The following DMXL2 variants were observed in gnomAD, a reference collection of about 807,000 sequenced individuals.
DMXL2 encodes the protein Dmx like 2.
In DMXL2, 103 loss-of-function variants were observed where a neutral mutation model predicts 331.1. The ratio of observed to expected loss-of-function variants is 0.31; its 90% CI spans 0.27 to 0.37. DMXL2 has a LOEUF of 0.37. Among genes scored for constraint, DMXL2 ranks in the 10% least tolerant of loss-of-function variants. The pLI, the probability that DMXL2 is intolerant of heterozygous loss-of-function variation, is 1.00. For missense variants in DMXL2, 3,171 were observed against 3,642.9 expected (o/e 0.87, Z 3.33); for synonymous variants, 1,281 against 1,252.1 (o/e 1.02, Z -0.49).
intron 1 of DMXL2, among the ~76,000 whole-genome samples, chr15:51,609,194 T>A (rs915797246): frequency 4.6e-5 from 7 of 151,786 alleles, no homozygotes; most frequent in African/African-American, 1.7e-4. Flanking sequence ...AATGAAAAAA[T>A]TCATTTCAAA....
intron 20 of DMXL2, among the ~76,000 whole-genome samples, chr15:51,489,100 C>T (rs2042608119): frequency 6.6e-6 from 1 of 152,134 alleles, no homozygotes; most frequent in Non-Finnish European, 1.5e-5. Context: ...GCAGAATATT[C>T]AATAGATGTG....
At chr15:51,595,366 G>A (rs571734279) in intron 1 of DMXL2, among the ~76,000 whole-genome samples, 2 of 152,252 alleles carry the variant, frequency 1.3e-5, no homozygotes, top group African/African-American at 4.8e-5. Flanking sequence ...TCTTACAAAG[G>A]ACATGAAGGA....
intron 2 of DMXL2, among the ~76,000 whole-genome samples, chr15:51,569,518 C>G (rs937519130): frequency 1.3e-5 from 2 of 152,180 alleles, no homozygotes; most frequent in Non-Finnish European, 2.9e-5. Flanking sequence ...CCTGACCCCC[C>G]CGTGTACCCA....
At position 51,588,384 on chromosome 15, in the gene DMXL2, C is replaced by T. The variant is rs185219301; in HGVS notation, c.88-12203G>A. ...ATGTTGTCCAGGCTAGTCTCGAACTCCTGGGCTCAAGTGATCTGGCCAGGA... is the reference window on the plus strand; with the variant it reads ...ATGTTGTCCAGGCTAGTCTCGAACTTCTGGGCTCAAGTGATCTGGCCAGGA... On this transcript the variant is annotated intron_variant, in intron 1 of 43. Coordinates refer to ENST00000560891, the MANE Select transcript of DMXL2 (RefSeq NM_001378457.1). Among the ~76,000 whole-genome samples the T allele has an allele frequency of 7.2e-5, 11 of 152,226 alleles. No individual in the cohort carries two copies. The East Asian group carries it at 1.4e-3, about 19-fold the overall frequency.
At position 51,499,416 on chromosome 15, in the gene DMXL2, C is replaced by T; in HGVS notation, c.3808G>A (p.Val1270Ile). The part of the protein sequence containing the change: ...LVVGMDCEMH[V>I]YAQWKHAVKF... ...ACAGCATGCTTCCACTGTGCATATA[C>T]ATGCATTTCACAATCCATTCCTACC... The change falls in exon 18 of 44, where the codon GTA (valine) becomes ATA (isoleucine). Residue 1270 changes from valine to isoleucine, a missense_variant. Transcript: ENST00000560891. The T allele has an allele frequency of 6.2e-7, 1 of 1,613,960 alleles. No individual in the cohort carries two copies. The highest frequency in any genetic ancestry group is 8.5e-7 in the Non-Finnish European group (1 of 1,180,014).
intron 15 of DMXL2, among the ~76,000 whole-genome samples, chr15:51,511,219 T>C (rs1044868196): frequency 6.6e-6 from 1 of 152,204 alleles, no homozygotes; most frequent in Non-Finnish European, 1.5e-5. Context: ...AAAGAGCTTC[T>C]GCACAGCAAA....
chr15:51,582,462 G>A (rs147189699), intron 1 of DMXL2, among the ~76,000 whole-genome samples: 2 of 152,072 alleles, frequency 1.3e-5, no homozygotes, highest in Non-Finnish European at 2.9e-5. Context: ...GGGTTGTCTG[G>A]GCTTTGATGG....
chr15:51,456,836 C>T (rs2039665058), intron 37 of DMXL2, among the ~76,000 whole-genome samples: 1 of 152,108 alleles, frequency 6.6e-6, no homozygotes, highest in African/African-American at 2.4e-5. Context: ...TAGCACCTAC[C>T]ACCTAGGATT....
intron 31 of DMXL2, among the ~76,000 whole-genome samples, 159 bp downstream of exon 31, chr15:51,465,404 AAAT>A (rs770089429): frequency 1.2e-4 from 19 of 152,218 alleles, no homozygotes; most frequent in Non-Finnish European, 2.4e-4. Context: ...AAAAAAATAA[AAAT>A]AAAGTCACAG....
At chr15:51,595,199 A>G (rs2052706361) in intron 1 of DMXL2, among the ~76,000 whole-genome samples, 1 of 152,248 alleles carries the variant, frequency 6.6e-6, no homozygotes, top group African/African-American at 2.4e-5. Flanking sequence ...AATCTCCTTA[A>G]GCTGATAGGC....
intron 2 of DMXL2, among the ~76,000 whole-genome samples, chr15:51,572,837 T>C (rs1339237624): frequency 6.6e-6 from 1 of 152,194 alleles, no homozygotes; most frequent in Non-Finnish European, 1.5e-5. Context: ...TCATACTAAA[T>C]GGGCAAAAAC....
intron 1 of DMXL2, among the ~76,000 whole-genome samples, chr15:51,607,551 T>C (rs1218238557): frequency 6.6e-6 from 1 of 152,212 alleles, no homozygotes; most frequent in Non-Finnish European, 1.5e-5. Context: ...TTATTTGTTT[T>C]ATAAGGTCAA....
chr15:51,553,849 T>C (rs1189813056), intron 6 of DMXL2, among the ~76,000 whole-genome samples: 1 of 152,126 alleles, frequency 6.6e-6, no homozygotes, highest in Admixed American at 6.5e-5. Flanking sequence ...GTTAATTTAT[T>C]GTTTATTTTA....
chr15:51,544,148 T>C lies in DMXL2; in HGVS notation c.930+1435A>G, dbSNP rs371144070. Among the ~76,000 whole-genome samples, 17 of 152,340 alleles carry C rather than the reference T, an allele frequency of 1.1e-4. No individual in the cohort carries two copies. The East Asian group carries it at 2.3e-3, about 21-fold the overall frequency. The stretch of plus-strand genomic sequence containing the variant: ...ATCACAGACAGTGATATAGTTTAGA[T>C]ACTTGACCCTGCCTAAATCTCATGT... On this transcript the variant is annotated intron_variant, in intron 8 of 43. Transcript: ENST00000560891.
chr15:51,606,180 C>T (rs1160799766), intron 1 of DMXL2, among the ~76,000 whole-genome samples: 5 of 152,160 alleles, frequency 3.3e-5, no homozygotes, highest in Non-Finnish European at 7.3e-5. Context: ...TAAACCAACA[C>T]ACTTATAGAG....
At chr15:51,515,930 TGGGGCACTG>T (rs1283565891) in intron 14 of DMXL2, among the ~76,000 whole-genome samples, 2 of 152,058 alleles carry the variant, frequency 1.3e-5, no homozygotes, top group Non-Finnish European at 2.9e-5. Context: ...TGAAGAAAGG[TGGGGCACTG>T]GGGATTAAAA....
Position 51,499,208 on chromosome 15 carries a change from A to G in DMXL2, c.4016T>C (p.Val1339Ala). The G allele has an allele frequency of 3.1e-6, 5 of 1,614,104 alleles. No homozygotes were observed. The highest frequency in any genetic ancestry group is 4.2e-6 in the Non-Finnish European group (5 of 1,180,020). ...QDGGLFEAAH[V>A]LSPTLPQYHP... is the part of the protein sequence containing the mutation. The stretch of plus-strand genomic sequence containing the variant: ...ATATTGTGGAAGAGTAGGGGAAAGT[A>G]CATGTGCAGCCTCAAATAAGCCACC... Residue 1339 changes from valine (V) to alanine (A), a missense_variant, in exon 18 of 44, where the codon GTA becomes GCA. By Grantham distance (64) the Val-to-Ala change is moderately conservative. Around this residue, in one of 7 missense-constraint regions of DMXL2, gnomAD observed 1,674 missense variants for 1,780.2 expected, o/e 0.94. Coordinates refer to ENST00000560891, the MANE Select transcript of DMXL2 (RefSeq NM_001378457.1).
intron 19 of DMXL2, among the ~76,000 whole-genome samples, chr15:51,492,908 T>C (rs2140445398): frequency 6.6e-6 from 1 of 152,334 alleles, no homozygotes; most frequent in Non-Finnish European, 1.5e-5. Flanking sequence ...TTGTACATAG[T>C]TTAAAGCTTT....
chr15:51,594,968 T>C (rs1400193374), intron 1 of DMXL2, among the ~76,000 whole-genome samples: 1 of 152,188 alleles, frequency 6.6e-6, no homozygotes, highest in African/African-American at 2.4e-5. Context: ...AATATCATAG[T>C]GAATGGGCAA....
Sources: gnomAD v4.1 joint callset for allele counts (sites outside exome capture counted in the v4.1 genomes callset) on GRCh38, gnomAD v4.1.1 for gene constraint, gnomAD v4.1.1 regional missense constraint, MANE v1.5 for transcripts, NCBI Gene and HGNC (gene_info 2026-07-23, HGNC 2026-07-21) for gene names.